Variants in BORA observed in about 807,000 individuals in gnomAD.
BORA encodes protein aurora borealis.
In BORA, 26 loss-of-function variants were observed where a neutral mutation model predicts 55.8. That is an observed-to-expected ratio of 0.47 (90% confidence interval 0.34 to 0.65). BORA has a LOEUF of 0.65. Among genes scored for constraint, BORA ranks in the 30% least tolerant of loss-of-function variants. The pLI is 0.01. For synonymous variants in BORA, 201 were observed against 216.9 expected (o/e 0.93, Z 0.64); for missense variants, 568 against 671.5 (o/e 0.85, Z 1.70).
chr13:72,743,734 G>GT (rs2033084485), intron 6 of BORA, 132 bp downstream of exon 6: 6 of 684,102 alleles, frequency 8.8e-6, no homozygotes, highest in East Asian at 3.3e-5. Context: ...ATTTATTTTT[G>GT]TTTTTTTGAG....
Position 72,731,298 on chromosome 13 carries a change from A to G in BORA, c.171A>G (p.Arg57=). The G allele has an allele frequency of 1.2e-6, 2 of 1,609,718 alleles. No individual in the cohort carries two copies. The highest frequency in any genetic ancestry group is 2.2e-5 in the East Asian group (1 of 44,716). ...TTGTTAAGACTCCAGGGAAATTTAG[A>G]TGGTCTATTGATCAACTAGCTGTAA... ...STKLPTPGKF[R]WSIDQLAVIN... Residue 57 remains arginine (R), a synonymous_variant, in exon 3 of 12, where the codon AGA becomes AGG. Transcript: ENST00000390667.
intron 10 of BORA, among the ~76,000 whole-genome samples, chr13:72,748,629 C>T (rs750777715): frequency 7.2e-5 from 11 of 152,142 alleles, no homozygotes; most frequent in Non-Finnish European, 1.6e-4. Flanking sequence ...TTTAGCTTCT[C>T]TAAAGTTGGT....
chr13:72,731,241 T>G, intron 2 of BORA, 40 bp from the exon 3 acceptor site: 1 of 1,203,870 alleles, frequency 8.3e-7, no homozygotes, highest in Non-Finnish European at 1.2e-6. Flanking sequence ...TGAACTATTT[T>G]AGTTTGCCTT....
At chr13:72,731,214 A>G in intron 2 of BORA, 67 bp from the exon 3 acceptor site, 1 of 890,258 alleles carries the variant, frequency 1.1e-6, no homozygotes, top group Non-Finnish European at 1.8e-6. Context: ...TATTTCTCAC[A>G]TAGGTTAGCA....
rs2033431656 is a variant in BORA at position 72,755,407 on chromosome 13, G to T, written c.*191G>T. The T allele has an allele frequency of 1.9e-6, 1 of 524,190 alleles. No homozygotes were observed. Among genetic ancestry groups the T allele is most frequent in the Admixed American group, 3.5e-5 (1 of 28,584 alleles). The allele number at this position is 524,190 out of a possible 1,614,324, so 32.5% of individuals were successfully genotyped here. Reference sequence around the variant, plus strand: ...AATGCTCCTGGAACTTCAAGTTGCTGAATTATAAGTTTATTTTTTATCAAT... The same window carrying T: ...AATGCTCCTGGAACTTCAAGTTGCTTAATTATAAGTTTATTTTTTATCAAT... On this transcript the variant is annotated 3_prime_UTR_variant, in exon 12 of 12. Transcript: ENST00000390667.
chr13:72,737,926 A>G, intron 4 of BORA, 36 bp from the exon 5 acceptor site: 1 of 1,407,976 alleles, frequency 7.1e-7, no homozygotes, highest in Non-Finnish European at 9.8e-7. Flanking sequence ...TTTTGGGTGG[A>G]ATTTATGCCT....
chr13:72,749,197 T>C (rs369988741), intron 10 of BORA, among the ~76,000 whole-genome samples: 1 of 152,328 alleles, frequency 6.6e-6, no homozygotes, highest in African/African-American at 2.4e-5. Context: ...TTTGAAGGCA[T>C]TGCTTCCATT....
chr13:72,732,152 G>A (rs1326190583), intron 3 of BORA, among the ~76,000 whole-genome samples: 1 of 152,130 alleles, frequency 6.6e-6, no homozygotes, highest in Admixed American at 6.5e-5. Flanking sequence ...CATGTTGTTA[G>A]TCCAAAACAA....
rs2032709223 is a variant in BORA at position 72,727,949 on chromosome 13, T to G, written c.-74T>G. 6.4e-7 allele frequency: 1 copy of G among 1,550,640 alleles called. No homozygotes were observed. Among genetic ancestry groups the G allele is most frequent in the South Asian group, 1.2e-5 (1 of 84,066 alleles). The stretch of plus-strand genomic sequence containing the variant: ...AAGAGTCTATGCCTGTCGTGGAAGC[T>G]GGCCTGGCCCCCGGAGCTCCCTGGA... On this transcript the variant is annotated 5_prime_UTR_variant, in exon 1 of 12. Coordinates refer to ENST00000390667, the MANE Select transcript of BORA (RefSeq NM_024808.5).
chr13:72,734,499 T>C (rs1198366506), intron 3 of BORA, among the ~76,000 whole-genome samples: 2 of 152,226 alleles, frequency 1.3e-5, no homozygotes, highest in Non-Finnish European at 2.9e-5. Context: ...TATTTTTGAC[T>C]GTTTAGAACT....
chr13:72,745,484 A>G (rs183525606), intron 8 of BORA, among the ~76,000 whole-genome samples: 25 of 152,208 alleles, frequency 1.6e-4, no homozygotes, highest in Non-Finnish European at 2.9e-4. Flanking sequence ...ATTATGCTTC[A>G]CAGAAACTAA....
chr13:72,743,026 G>C (rs2033067986), intron 5 of BORA, among the ~76,000 whole-genome samples: 1 of 152,086 alleles, frequency 6.6e-6, no homozygotes, highest in Admixed American at 6.6e-5. Flanking sequence ...GGGGTGGTGG[G>C]GGAGATGTTG....
chr13:72,730,517 AT>A (rs1319693156), intron 2 of BORA, among the ~76,000 whole-genome samples: 1 of 152,202 alleles, frequency 6.6e-6, no homozygotes, highest in Admixed American at 6.5e-5. Flanking sequence ...GCCATTCATA[AT>A]TATTTTAAGG....
chr13:72,753,567 T>C (rs1177245297), intron 10 of BORA, 123 bp from the exon 11 acceptor site: 4 of 1,015,774 alleles, frequency 3.9e-6, no homozygotes, highest in Admixed American at 2.8e-5. Flanking sequence ...TTGTTCAACA[T>C]GATCAATATT....
rs770294178 is a variant in BORA, at chr13:72,746,001, A to G, written c.796A>G (p.Ile266Val). Residue 266 changes from isoleucine (I) to valine (V), a missense_variant, in exon 9 of 12, where the codon ATA becomes GTA. By Grantham distance (29) the Ile-to-Val change is conservative. Transcript: ENST00000390667. ...TGCAAAAAAATACAGCTTGGGAAGC[A>G]TAACTAGTCCTTCGCCTATTTCTTC... is the stretch of plus-strand genomic sequence containing the variant. ...ASAKKYSLGSITSPSPISSPT... is the reference protein window; with the variant it reads ...ASAKKYSLGSVTSPSPISSPT... The G allele has an allele frequency of 6.2e-7, 1 of 1,613,042 alleles. No individual in the cohort carries two copies. Among genetic ancestry groups the G allele is most frequent in the South Asian group, 1.1e-5 (1 of 91,040 alleles).
At chr13:72,728,577 C>T (rs1228934768) in intron 1 of BORA, among the ~76,000 whole-genome samples, 1 of 152,100 alleles carries the variant, frequency 6.6e-6, no homozygotes, top group Non-Finnish European at 1.5e-5. Context: ...GCTATAAGTC[C>T]TTTAGTTGAG....
chr13:72,747,438 C>G (rs2033173637), intron 10 of BORA, among the ~76,000 whole-genome samples: 1 of 152,042 alleles, frequency 6.6e-6, no homozygotes, highest in African/African-American at 2.4e-5. Flanking sequence ...TCCAGTCCCC[C>G]AAAACATGCA....
At chr13:72,741,462 CT>C (rs774794413) in intron 5 of BORA, among the ~76,000 whole-genome samples, 1 of 151,940 alleles carries the variant, frequency 6.6e-6, no homozygotes, top group Non-Finnish European at 1.5e-5. Context: ...AGTTGCTAAC[CT>C]TTTTTTTCCT....
At chr13:72,734,292 A>C (rs975145697) in intron 3 of BORA, among the ~76,000 whole-genome samples, 1 of 152,090 alleles carries the variant, frequency 6.6e-6, no homozygotes, top group Admixed American at 6.5e-5. Flanking sequence ...TCTTTCCTGT[A>C]ATGGAATAAA....
Sources: allele counts gnomAD v4.1 joint callset (sites outside exome capture counted in the v4.1 genomes callset), GRCh38; gene constraint gnomAD v4.1.1; transcripts MANE v1.5; gene names NCBI Gene and HGNC (gene_info 2026-07-23, HGNC 2026-07-21).